Variants in KIRREL3 observed in about 807,000 individuals in gnomAD.
KIRREL3 encodes kin of IRRE-like protein 3.
A neutral mutation model predicts 89.7 loss-of-function variants in KIRREL3; 36 were observed. The ratio of observed to expected loss-of-function variants is 0.40; its 90% CI spans 0.31 to 0.53. The LOEUF (loss-of-function observed/expected upper bound fraction) is 0.53, where lower values mean the gene tolerates loss of function less well. Ranked by LOEUF, KIRREL3 falls within the 20% of genes least tolerant of loss-of-function variation. KIRREL3 has a pLI of 0.49. For synonymous variants in KIRREL3, 445 were observed against 441.4 expected (o/e 1.01, Z -0.10); for missense variants, 864 against 1,056.6 (o/e 0.82, Z 2.53).
Position 126,612,332 on chromosome 11 carries a change from C to T in KIRREL3, c.56-49420G>A, listed in dbSNP as rs1432419293. ...TTGAGTATTATATGGACACCCCTGG[C>T]ATAGAATAAATGCTCCCTCAGTATT... On this transcript the variant is annotated intron_variant, in intron 1 of 16. Transcript: ENST00000525144. This position sits in a 1 kb window ranked among gnomAD's most constrained non-coding sequence, Gnocchi z 4.5. 6.6e-6 allele frequency among the ~76,000 whole-genome samples: 1 copy of T among 152,072 alleles called. No individual in the cohort carries two copies. Among genetic ancestry groups the T allele is most frequent in the African/African-American group, 2.4e-5 (1 of 41,398 alleles).
intron 1 of KIRREL3, among the ~76,000 whole-genome samples, chr11:126,901,625 A>G (rs1346511130): frequency 6.6e-6 from 1 of 152,206 alleles, no homozygotes; most frequent in Admixed American, 6.5e-5. Context: ...CACCTGAACC[A>G]TTATCCTATT....
chr11:126,461,175 C>T (rs1024828256), intron 6 of KIRREL3, among the ~76,000 whole-genome samples: 1 of 152,244 alleles, frequency 6.6e-6, no homozygotes, highest in African/African-American at 2.4e-5. Flanking sequence ...GCCCAGCCCA[C>T]CCATGGGTTG....
intron 1 of KIRREL3, among the ~76,000 whole-genome samples, chr11:126,980,010 G>C (rs192130801): frequency 5.9e-5 from 9 of 152,256 alleles, no homozygotes; most frequent in African/African-American, 2.2e-4. Context: ...GAACAAGCTG[G>C]ACAGAACTGA....
At chr11:126,914,272 A>G (rs1592343676) in intron 1 of KIRREL3, among the ~76,000 whole-genome samples, 2 of 152,282 alleles carry the variant, frequency 1.3e-5, no homozygotes, top group Admixed American at 1.3e-4. Flanking sequence ...AGAAACAAAC[A>G]TTTCCTGGGC....
chr11:126,470,251 G>A (rs1207125457), intron 5 of KIRREL3, among the ~76,000 whole-genome samples: 1 of 152,244 alleles, frequency 6.6e-6, no homozygotes, highest in Non-Finnish European at 1.5e-5. Flanking sequence ...CAGGACAGGT[G>A]CTCAGACTGG....
At chr11:126,714,137 G>A (rs1237510526) in intron 1 of KIRREL3, among the ~76,000 whole-genome samples, 1 of 152,182 alleles carries the variant, frequency 6.6e-6, no homozygotes, top group East Asian at 1.9e-4. Context: ...ACAAGCCACA[G>A]CCCGGACAGT....
chr11:126,904,314 C>T lies in KIRREL3; in HGVS notation c.55+96141G>A, dbSNP rs1946490104. On this transcript the variant is annotated intron_variant, in intron 1 of 16. Transcript: ENST00000525144. The surrounding 1 kb of genome is among the most constrained non-coding windows in gnomAD (Gnocchi z 4.4). ...CAAGGTAAATGTCTGTATTTTATGGCCCGAAGCCCCCAAACTCATGATTAT... is the reference window on the plus strand; with the variant it reads ...CAAGGTAAATGTCTGTATTTTATGGTCCGAAGCCCCCAAACTCATGATTAT... Among the ~76,000 whole-genome samples the T allele has an allele frequency of 6.6e-6, 1 of 152,144 alleles. No homozygotes were observed. Among genetic ancestry groups the T allele is most frequent in the South Asian group, 2.1e-4 (1 of 4,816 alleles).
In KIRREL3 at chr11:126,705,362, T is replaced by C. The variant is rs985406689; in HGVS notation, c.56-142450A>G. On this transcript the variant is annotated intron_variant, in intron 1 of 16. Coordinates refer to ENST00000525144, the MANE Select transcript of KIRREL3 (RefSeq NM_032531.4). The surrounding 1 kb of genome is among the most constrained non-coding windows in gnomAD (Gnocchi z 4.3). ...CAGGAATGGTTTGGCACTAACCTCT[T>C]GGTGATAAGTGAGTTGTTGATCAGT... Among the ~76,000 whole-genome samples the C allele has an allele frequency of 6.6e-6, 1 of 152,184 alleles. No individual in the cohort carries two copies. The highest frequency in any genetic ancestry group is 2.4e-5 in the African/African-American group (1 of 41,438).
rs376603290 is a variant in KIRREL3 at position 126,844,726 on chromosome 11, A to G, written c.55+155729T>C. Among the ~76,000 whole-genome samples, 4 of 152,280 alleles carry G rather than the reference A, an allele frequency of 2.6e-5. 1 individual carries two copies. The highest frequency in any genetic ancestry group is 9.6e-5 in the African/African-American group (4 of 41,564). On this transcript the variant is annotated intron_variant, in intron 1 of 16. Transcript: ENST00000525144. The surrounding 1 kb of genome is among the most constrained non-coding windows in gnomAD (Gnocchi z 4.8). The stretch of plus-strand genomic sequence containing the variant: ...TTGGCACTATAGGATGTTAACTGCT[A>G]TTCTCTTTGGATTATTTTACTTGGC...
intron 1 of KIRREL3, among the ~76,000 whole-genome samples, chr11:126,998,100 C>G (rs998125916): frequency 6.6e-6 from 1 of 152,162 alleles, no homozygotes; most frequent in African/African-American, 2.4e-5. Flanking sequence ...TGGATGCGTT[C>G]TATCCAATAA....
chr11:126,861,880 C>T (rs757756655), intron 1 of KIRREL3, among the ~76,000 whole-genome samples: 13 of 152,184 alleles, frequency 8.5e-5, no homozygotes, highest in African/African-American at 1.2e-4. Flanking sequence ...TGGACTGTAC[C>T]GTGTGATACA....
intron 1 of KIRREL3, among the ~76,000 whole-genome samples, chr11:126,727,981 T>C (rs1193501235): frequency 6.6e-6 from 1 of 151,298 alleles, no homozygotes; most frequent in African/African-American, 2.4e-5. Context: ...GGGTGAGCAT[T>C]TCTCCCGCAG....
chr11:126,679,950 T>C (rs1031733757), intron 1 of KIRREL3, among the ~76,000 whole-genome samples: 1 of 152,134 alleles, frequency 6.6e-6, no homozygotes, highest in African/African-American at 2.4e-5. Flanking sequence ...AGCTTTTGAG[T>C]ACAAAGCAGG....
rs1033796134 is a variant in KIRREL3 at position 126,768,186 on chromosome 11, C to A, written c.56-205274G>T. 3.4e-5 allele frequency among the ~76,000 whole-genome samples: 5 copies of A among 148,852 alleles called. No homozygotes were observed. The highest frequency in any genetic ancestry group is 1.2e-4 in the African/African-American group (5 of 40,478). On this transcript the variant is annotated intron_variant, in intron 1 of 16. Coordinates refer to ENST00000525144, the MANE Select transcript of KIRREL3 (RefSeq NM_032531.4). This position sits in a 1 kb window ranked among gnomAD's most constrained non-coding sequence, Gnocchi z 4.5. The stretch of plus-strand genomic sequence containing the variant: ...CATCCATCCAATCCATCCATCCATC[C>A]ATCCATCCATCCATCCATCCATCCA...
chr11:126,745,973 C>T (rs915681185), intron 1 of KIRREL3, among the ~76,000 whole-genome samples: 68 of 152,322 alleles, frequency 4.5e-4, no homozygotes, highest in Middle Eastern at 3.4e-3. Flanking sequence ...ACAACTGAAG[C>T]TGCTGGCCAC....
At chr11:126,586,067 C>T (rs971708525) in intron 1 of KIRREL3, among the ~76,000 whole-genome samples, 2 of 152,188 alleles carry the variant, frequency 1.3e-5, no homozygotes, top group African/African-American at 4.8e-5. Flanking sequence ...AACAAACTCT[C>T]TATTGGAGCG....
Position 126,451,157 on chromosome 11 carries a change from G to A in KIRREL3, c.849-2000C>T, listed in dbSNP as rs1256457187. 2.0e-5 allele frequency among the ~76,000 whole-genome samples: 3 copies of A among 150,108 alleles called. No homozygotes were observed. In the South Asian group the frequency reaches 6.3e-4, roughly 32 times the overall value. On this transcript the variant is annotated intron_variant, in intron 7 of 16. Coordinates refer to ENST00000525144, the MANE Select transcript of KIRREL3 (RefSeq NM_032531.4). Reference sequence around the variant, plus strand: ...CATGTGTGTGCATGTGTAAATGTGGGCACGTGTGAATGTGTACATGTGTGA... The same window carrying A: ...CATGTGTGTGCATGTGTAAATGTGGACACGTGTGAATGTGTACATGTGTGA...
intron 1 of KIRREL3, among the ~76,000 whole-genome samples, chr11:126,850,055 T>C (rs1420683444): frequency 1.3e-5 from 2 of 152,230 alleles, no homozygotes; most frequent in Non-Finnish European, 2.9e-5. Context: ...TTGTCAGGTA[T>C]CAACAGTACA....
Position 126,521,275 on chromosome 11 carries a change from T to C in KIRREL3, c.433+40A>G. ...CCTCTTGGAGCTGAGCCCTTGGTGC[T>C]TCACGCAGTGTCCCAGCCCCGTGTG... On this transcript the variant is annotated intron_variant, in intron 4 of 16. Coordinates refer to ENST00000525144, the MANE Select transcript of KIRREL3 (RefSeq NM_032531.4). The surrounding 1 kb of genome is among the most constrained non-coding windows in gnomAD (Gnocchi z 4.1). 2.7e-6 allele frequency: 4 copies of C among 1,486,002 alleles called. No individual in the cohort carries two copies. The South Asian group carries it at 4.1e-5, about 15-fold the overall frequency. 92.1% of individuals were successfully genotyped at this position (1,486,002 alleles called of 1,614,324 possible).
Sources: gnomAD v4.1 joint callset for allele counts (sites outside exome capture counted in the v4.1 genomes callset) on GRCh38, gnomAD v4.1.1 for gene constraint, Gnocchi (gnomAD v3.1) non-coding constraint, MANE v1.5 for transcripts, NCBI Gene and HGNC (gene_info 2026-07-23, HGNC 2026-07-21) for gene names.